DIAPH2: variants seen among roughly 807,000 people sequenced by gnomAD.
DIAPH2 encodes the protein diaphanous related formin 2.
DIAPH2 carries 35 observed loss-of-function variants against 92.7 expected under a neutral mutation model. The ratio of observed to expected loss-of-function variants is 0.38; its 90% CI spans 0.29 to 0.50. The LOEUF is 0.50. Among genes scored for constraint, DIAPH2 ranks in the 20% least tolerant of loss-of-function variants. The pLI is 0.94. For synonymous variants in DIAPH2, 301 were observed against 280.4 expected (o/e 1.07, Z -0.73); for missense variants, 701 against 819.5 (o/e 0.86, Z 1.77).
chrX:96,766,867 A>G (rs1261010054), intron 4 of DIAPH2, among the ~76,000 whole-genome samples: 3 of 112,220 alleles, frequency 2.7e-5, no homozygotes, highest in Non-Finnish European at 5.6e-5. Context: ...ACTTTTCACT[A>G]TCCTATATAA....
intron 26 of DIAPH2, among the ~76,000 whole-genome samples, chrX:97,531,325 C>A (rs1466997734): frequency 9.1e-6 from 1 of 110,321 alleles, no homozygotes; most frequent in Non-Finnish European, 1.9e-5. Context: ...TCCTTTTCTT[C>A]CTTTCTTTGT....
intron 21 of DIAPH2, 110 bp downstream of exon 21, chrX:97,115,075 G>A (rs916424296): frequency 2.6e-6 from 2 of 754,790 alleles, no homozygotes; most frequent in Non-Finnish European, 3.6e-6. Flanking sequence ...TGCTTAAAAA[G>A]GGTGAATTTT....
At chrX:97,005,670 G>A (rs6620213) in intron 17 of DIAPH2, among the ~76,000 whole-genome samples, 1 of 109,545 alleles carries the variant, frequency 9.1e-6, no homozygotes, top group Non-Finnish European at 1.9e-5. Context: ...CTCCTGAGTA[G>A]CTGGGACTAC....
intron 23 of DIAPH2, among the ~76,000 whole-genome samples, chrX:97,269,980 G>T (rs1002081097): frequency 1.2e-4 from 13 of 109,260 alleles, no homozygotes; most frequent in African/African-American, 3.7e-4. Flanking sequence ...GCCCAGGCTG[G>T]AGTGCAGTGG....
At chrX:96,939,695 C>T (rs1156848117) in intron 12 of DIAPH2, among the ~76,000 whole-genome samples, 1 of 35,454 alleles carries the variant, frequency 2.8e-5, no homozygotes, top group African/African-American at 1.0e-4. Context: ...GACGGAGTTT[C>T]GCTCTGTCGC....
chrX:97,419,406 G>A (rs1304223905), intron 25 of DIAPH2, among the ~76,000 whole-genome samples: 1 of 112,388 alleles, frequency 8.9e-6, no homozygotes, highest in Non-Finnish European at 1.9e-5. Context: ...GAATGATCTT[G>A]GCTGTGTTTC....
intron 1 of DIAPH2, among the ~76,000 whole-genome samples, chrX:96,713,172 C>A (rs772807236): frequency 9.0e-6 from 1 of 111,526 alleles, no homozygotes; most frequent in South Asian, 3.8e-4. Context: ...TGAACTTGAG[C>A]TTGTTTTCTT....
chrX:96,997,212 A>T (rs757412902), intron 17 of DIAPH2, among the ~76,000 whole-genome samples: 3 of 112,368 alleles, frequency 2.7e-5, no homozygotes, highest in Admixed American at 9.4e-5. Flanking sequence ...CTGTACAAAG[A>T]TCACATTCCT....
At chrX:97,275,611 G>A (rs5921758) in intron 23 of DIAPH2, among the ~76,000 whole-genome samples, 2,286 of 107,483 alleles carry the variant, frequency 0.021, 39 homozygotes, top group Non-Finnish European at 0.032. Flanking sequence ...CGGGGCGGCC[G>A]GGCGGAGGGG....
intron 19 of DIAPH2, 134 bp from the exon 20 acceptor site, chrX:97,099,560 C>T: frequency 2.8e-6 from 1 of 355,223 alleles, no homozygotes; most frequent in Non-Finnish European, 4.7e-6. Flanking sequence ...CGGGGAAGGG[C>T]GGATACTCTG....
At chrX:97,237,690 T>C (rs1179009443) in intron 22 of DIAPH2, among the ~76,000 whole-genome samples, 2 of 110,671 alleles carry the variant, frequency 1.8e-5, no homozygotes, top group African/African-American at 3.3e-5. Flanking sequence ...CGCGCCATTC[T>C]CTTGCCTCAG....
chrX:97,009,608 C>G (rs2066210001), intron 17 of DIAPH2, among the ~76,000 whole-genome samples: 1 of 112,572 alleles, frequency 8.9e-6, no homozygotes, highest in Non-Finnish European at 1.9e-5. Flanking sequence ...CCACTGCTAA[C>G]TACTTAGTCA....
intron 4 of DIAPH2, among the ~76,000 whole-genome samples, chrX:96,805,277 G>A (rs1275071103): frequency 1.8e-5 from 2 of 110,501 alleles, no homozygotes; most frequent in Admixed American, 9.7e-5. Flanking sequence ...GTGCTATCCC[G>A]AAAAGAAATA....
intron 17 of DIAPH2, among the ~76,000 whole-genome samples, chrX:96,984,153 G>T (rs2147842833): frequency 8.9e-6 from 1 of 111,970 alleles, no homozygotes; most frequent in Admixed American, 9.5e-5. Context: ...GGTATATGTG[G>T]AAGGGAAAGG....
intron 21 of DIAPH2, among the ~76,000 whole-genome samples, chrX:97,125,806 A>G (rs141244232): frequency 6.6e-4 from 74 of 112,551 alleles, no homozygotes; most frequent in African/African-American, 2.3e-3. Context: ...TGACTAAACA[A>G]TAATAGATAC....
At chrX:97,490,288 CTTTTTT>C (rs371647348) in intron 26 of DIAPH2, among the ~76,000 whole-genome samples, 1 of 90,277 alleles carries the variant, frequency 1.1e-5, no homozygotes, top group Non-Finnish European at 2.3e-5. Flanking sequence ...GATTTTGAAT[CTTTTTT>C]TTTTTTTTAG....
At chrX:96,704,835 A>G (rs776609365) in intron 1 of DIAPH2, among the ~76,000 whole-genome samples, 19 of 111,396 alleles carry the variant, frequency 1.7e-4, no homozygotes, top group Middle Eastern at 4.6e-3. Flanking sequence ...TTCCATATGA[A>G]TGATTCAGAT....
At chrX:97,465,447 A>G (rs2070503344) in intron 26 of DIAPH2, among the ~76,000 whole-genome samples, 1 of 112,102 alleles carries the variant, frequency 8.9e-6, no homozygotes, top group Admixed American at 9.5e-5. Context: ...TCCCCTAAAC[A>G]ATACAGTATA....
intron 5 of DIAPH2, among the ~76,000 whole-genome samples, chrX:96,896,663 A>G (rs1019720682): frequency 8.9e-6 from 1 of 112,102 alleles, no homozygotes; most frequent in South Asian, 3.7e-4. Flanking sequence ...GAATAAGGCC[A>G]AAGTTATTTC....
Sources: allele counts gnomAD v4.1 joint callset (sites outside exome capture counted in the v4.1 genomes callset), GRCh38; gene constraint gnomAD v4.1.1; transcripts MANE v1.5; gene names NCBI Gene and HGNC (gene_info 2026-07-23, HGNC 2026-07-21).